The following CRTC1 variants were observed in gnomAD, a reference collection of about 807,000 sequenced individuals.
The protein encoded by CRTC1 is CREB regulated transcription coactivator 1.
In CRTC1, 18 loss-of-function variants were observed where a neutral mutation model predicts 66.1. That is an observed-to-expected ratio of 0.27 (90% CI 0.19 to 0.40). The LOEUF (loss-of-function observed/expected upper bound fraction) is 0.40. Ranked by LOEUF, CRTC1 falls within the 10% of genes least tolerant of loss-of-function variation. The pLI is 1.00. For missense variants in CRTC1, 669 were observed against 887.9 expected, an observed-to-expected ratio of 0.75 and a Z score of 3.13; for synonymous variants, 416 against 398.8, an observed-to-expected ratio of 1.04 and a Z score of -0.51.
chr19:18,721,597 C>T (rs1406350264), intron 1 of CRTC1, among the ~76,000 whole-genome samples: 2 of 151,134 alleles, frequency 1.3e-5, no homozygotes, highest in East Asian at 2.0e-4. Flanking sequence ...TGGGGTCAAG[C>T]GATCCTCCCA....
At chr19:18,757,256 G>A (rs1390204144) in intron 6 of CRTC1, among the ~76,000 whole-genome samples, 1 of 152,140 alleles carries the variant, frequency 6.6e-6, no homozygotes, top group African/African-American at 2.4e-5. Flanking sequence ...TCCTGCCTTT[G>A]TCCTTGAACA....
rs764017384 is a variant in CRTC1, at chr19:18,745,840, G to C, written c.261G>C (p.Ser87=). 211 of 1,613,726 alleles carry C rather than the reference G, an allele frequency of 1.3e-4. No individual in the cohort carries two copies. The highest frequency in any genetic ancestry group is 1.7e-4 in the Non-Finnish European group (204 of 1,179,936). Residue 87 remains serine (S), a synonymous_variant, in exon 3 of 14, where the codon TCG becomes TCC. Transcript: ENST00000321949. The part of the protein sequence containing the change: ...DLPFQTPFQS[S]GLDTSRTTRH... ...TCCCCCAGACCCCCTTCCAATCCTC[G>C]GGCCTGGACACCAGCCGGACCACCC...
intron 1 of CRTC1, among the ~76,000 whole-genome samples, chr19:18,695,839 T>C (rs1354908940): frequency 6.6e-6 from 1 of 152,114 alleles, no homozygotes; most frequent in Admixed American, 6.5e-5. Flanking sequence ...CGCTCCAGCC[T>C]GGGCGACAGA....
intron 1 of CRTC1, among the ~76,000 whole-genome samples, chr19:18,704,850 G>A (rs1318142709): frequency 6.6e-6 from 1 of 151,962 alleles, no homozygotes; most frequent in East Asian, 1.9e-4. Flanking sequence ...CAGAGCTTTT[G>A]CATCTTCCCG....
intron 12 of CRTC1, among the ~76,000 whole-genome samples, chr19:18,775,377 C>T (rs1214955541): frequency 6.6e-6 from 1 of 152,214 alleles, no homozygotes; most frequent in African/African-American, 2.4e-5. Flanking sequence ...GGATCGGGGG[C>T]ATCCAGGGGG....
intron 1 of CRTC1, among the ~76,000 whole-genome samples, chr19:18,729,118 G>C (rs924799915): frequency 7.0e-6 from 1 of 143,042 alleles, no homozygotes; most frequent in African/African-American, 2.5e-5. Context: ...TGCCCGCCTT[G>C]TTTTCTTTAG....
chr19:18,779,557 C>T lies in CRTC1; in HGVS notation c.*2175C>T, dbSNP rs1424956345. The T allele has an allele frequency of 4.6e-6, 1 of 215,280 alleles. No homozygotes were observed. The highest frequency in any genetic ancestry group is 9.3e-6 in the Non-Finnish European group (1 of 107,222). 13.3% of individuals were successfully genotyped at this position (215,280 alleles called of 1,614,324 possible). On this transcript the variant is annotated 3_prime_UTR_variant, in exon 14 of 14. Coordinates refer to ENST00000321949, the MANE Select transcript of CRTC1 (RefSeq NM_015321.3). ...AAAAAAAATGGCCTTAATAAAATTA[C>T]AAGCAACCCGCCTGGATGCGGTTTT...
At chr19:18,684,698 G>A (rs1323340907) in intron 1 of CRTC1, among the ~76,000 whole-genome samples, 3 of 152,142 alleles carry the variant, frequency 2.0e-5, no homozygotes, top group African/African-American at 7.2e-5. Flanking sequence ...CAGGGTGGAG[G>A]GCCAGGTCTG....
At chr19:18,686,226 G>A (rs931307782) in intron 1 of CRTC1, among the ~76,000 whole-genome samples, 10 of 152,094 alleles carry the variant, frequency 6.6e-5, no homozygotes, top group African/African-American at 2.4e-4. Flanking sequence ...CTTTCACTCA[G>A]CGTCATGTTT....
intron 1 of CRTC1, among the ~76,000 whole-genome samples, chr19:18,735,029 C>A (rs1216599109): frequency 1.3e-5 from 2 of 152,238 alleles, no homozygotes; most frequent in East Asian, 1.9e-4. Flanking sequence ...AATCCTCCCC[C>A]ACAACACGCA....
At chr19:18,717,098 T>TG (rs1218166334) in intron 1 of CRTC1, among the ~76,000 whole-genome samples, 1 of 152,178 alleles carries the variant, frequency 6.6e-6, no homozygotes, top group African/African-American at 2.4e-5. Flanking sequence ...CACATGTGGC[T>TG]GGGTGCATGT....
chr19:18,775,827 G>T lies in CRTC1; in HGVS notation c.1693+6G>T. 7 of 1,585,232 alleles carry T rather than the reference G, an allele frequency of 4.4e-6. No individual in the cohort carries two copies. Among genetic ancestry groups the T allele is most frequent in the Non-Finnish European group, 6.0e-6 (7 of 1,166,116 alleles). ...CCCCAACATCATCCTCACAGGTGAG[G>T]CCAGGCCGGGGGCGCGTGTGCGGCG... On this transcript the variant is annotated splice_donor_region_variant and intron_variant, in intron 13 of 13. Coordinates refer to ENST00000321949, the MANE Select transcript of CRTC1 (RefSeq NM_015321.3).
chr19:18,745,791 T>A, intron 2 of CRTC1, 32 bp from the exon 3 acceptor site: 2 of 1,613,080 alleles, frequency 1.2e-6, no homozygotes, highest in Non-Finnish European at 1.7e-6. Flanking sequence ...TTTGGATTTC[T>A]CTCTCTCTGT....
At chr19:18,699,226 A>G (rs978892411) in intron 1 of CRTC1, among the ~76,000 whole-genome samples, 1 of 152,288 alleles carries the variant, frequency 6.6e-6, no homozygotes, top group East Asian at 1.9e-4. Context: ...ACATGGTCCA[A>G]TGTCCCCACT....
chr19:18,720,534 T>TG, intron 1 of CRTC1, among the ~76,000 whole-genome samples: 1 of 149,356 alleles, frequency 6.7e-6, no homozygotes, highest in Middle Eastern at 3.4e-3. Context: ...TGTTTTTTTT[T>TG]TTTTTTTTTT....
intron 1 of CRTC1, among the ~76,000 whole-genome samples, chr19:18,736,898 C>T (rs1452575004): frequency 1.3e-5 from 2 of 152,272 alleles, no homozygotes; most frequent in East Asian, 1.9e-4. Context: ...CAAGGCTGGC[C>T]GGTCTGCAGA....
At chr19:18,732,496 T>C (rs568276688) in intron 1 of CRTC1, among the ~76,000 whole-genome samples, 79 of 152,344 alleles carry the variant, frequency 5.2e-4, no homozygotes, top group African/African-American at 1.9e-3. Context: ...ATTTCTGTCA[T>C]TTAAGCTGCT....
chr19:18,746,011 G>T, intron 3 of CRTC1, 51 bp downstream of exon 3: 1 of 1,556,176 alleles, frequency 6.4e-7, no homozygotes, highest in South Asian at 1.2e-5. Flanking sequence ...TGTCGGTGCC[G>T]GCAGGACCCC....
Position 18,768,013 on chromosome 19 carries a change from G to A in CRTC1, c.1012-472G>A, listed in dbSNP as rs934163760. ...AGGCCTGAGCCAGCCCTTGGTGAGG[G>A]GCCATGCTGGTATCTCCAGCAACCC... is the stretch of plus-strand genomic sequence containing the variant. On this transcript the variant is annotated intron_variant, in intron 9 of 13. Transcript: ENST00000321949. This position sits in a 1 kb window ranked among gnomAD's most constrained non-coding sequence, Gnocchi z 5.6. 6.6e-6 allele frequency among the ~76,000 whole-genome samples: 1 copy of A among 152,200 alleles called. No homozygotes were observed. The highest frequency in any genetic ancestry group is 1.5e-5 in the Non-Finnish European group (1 of 68,034).
Sources: gnomAD v4.1 joint callset for allele counts (sites outside exome capture counted in the v4.1 genomes callset) on GRCh38, gnomAD v4.1.1 for gene constraint, Gnocchi (gnomAD v3.1) non-coding constraint, MANE v1.5 for transcripts, NCBI Gene and HGNC (gene_info 2026-07-23, HGNC 2026-07-21) for gene names.